Variants in AUTS2 observed in about 807,000 individuals in gnomAD.
AUTS2 encodes the protein activator of transcription and developmental regulator AUTS2, also known as autism susceptibility gene 2 protein.
A neutral mutation model predicts 112.4 loss-of-function variants in AUTS2; 17 were observed. The ratio of observed to expected loss-of-function variants is 0.15; its 90% CI spans 0.10 to 0.23. The LOEUF is 0.23. Among genes scored for constraint, AUTS2 ranks in the 10% least tolerant of loss-of-function variants. AUTS2 has a pLI of 1.00. For missense variants in AUTS2, 1,510 were observed against 1,701.6 expected (o/e 0.89, Z 1.98); for synonymous variants, 751 against 702.7 (o/e 1.07, Z -1.09).
chr7:70,500,013 C>T (rs993446583), intron 5 of AUTS2, among the ~76,000 whole-genome samples: 5 of 152,108 alleles, frequency 3.3e-5, no homozygotes, highest in African/African-American at 7.2e-5. Flanking sequence ...TAGCTCAAGA[C>T]ACGATGTCCT....
intron 1 of AUTS2, among the ~76,000 whole-genome samples, chr7:69,804,451 C>T (rs1790214460): frequency 6.6e-6 from 1 of 152,198 alleles, no homozygotes; most frequent in South Asian, 2.1e-4. Flanking sequence ...GTTCCTGACT[C>T]AACTCTGAAA....
intron 2 of AUTS2, among the ~76,000 whole-genome samples, chr7:69,965,750 C>T (rs1797611566): frequency 6.6e-6 from 1 of 152,128 alleles, no homozygotes; most frequent in Non-Finnish European, 1.5e-5. Flanking sequence ...ATTCCATAGA[C>T]TCTCTTTTCT....
rs35638538 is a variant in AUTS2, at chr7:70,001,710, A to ATTT, written c.522+102229_522+102231dup. On this transcript the variant is annotated intron_variant, in intron 2 of 18. Coordinates refer to ENST00000342771, the MANE Select transcript of AUTS2 (RefSeq NM_015570.4). The stretch of plus-strand genomic sequence containing the variant: ...AATTGAATTATAGCCTCATTGTCAT[A>ATTT]TTTTTTTTTTTTTTTTTTTGAGACT... 2.7e-3 allele frequency among the ~76,000 whole-genome samples: 364 copies of ATTT among 132,804 alleles called. 4 individuals are homozygous for ATTT. The highest frequency in any genetic ancestry group is 9.6e-3 in the African/African-American group (338 of 35,266). 87.1% of individuals were successfully genotyped at this position (132,804 alleles called of 152,430 possible). A position where few individuals can be genotyped will look rare whatever the true frequency, so the allele number is the denominator to read the frequency against.
intron 2 of AUTS2, among the ~76,000 whole-genome samples, chr7:69,917,560 T>TA (rs1318954745): frequency 6.7e-6 from 1 of 149,834 alleles, no homozygotes; most frequent in Non-Finnish European, 1.5e-5. Context: ...TGTATAGTGG[T>TA]AAAATCTGAG....
chr7:69,873,800 C>T (rs1033268494), intron 1 of AUTS2, among the ~76,000 whole-genome samples: 1 of 152,142 alleles, frequency 6.6e-6, no homozygotes, highest in Non-Finnish European at 1.5e-5. Flanking sequence ...TGGAATTACA[C>T]CTACTTTATG....
At chr7:69,705,472 G>A (rs1475831440) in intron 1 of AUTS2, among the ~76,000 whole-genome samples, 1 of 152,186 alleles carries the variant, frequency 6.6e-6, no homozygotes, top group South Asian at 2.1e-4. Flanking sequence ...GGTTGGGTCC[G>A]TTTGTGATTT....
At chr7:70,038,921 G>T (rs1040750820) in intron 2 of AUTS2, among the ~76,000 whole-genome samples, 8 of 151,994 alleles carry the variant, frequency 5.3e-5, no homozygotes, top group African/African-American at 9.7e-5. Flanking sequence ...ATCATGCCCG[G>T]CTAGTTTTTG....
At chr7:70,000,473 C>T (rs566313747) in intron 2 of AUTS2, among the ~76,000 whole-genome samples, 2 of 152,296 alleles carry the variant, frequency 1.3e-5, no homozygotes, top group Admixed American at 1.3e-4. Flanking sequence ...GAAAGAACAG[C>T]AGTGGGACAT....
intron 1 of AUTS2, among the ~76,000 whole-genome samples, chr7:69,633,333 C>A (rs188379553): frequency 2.6e-5 from 4 of 152,024 alleles, no homozygotes; most frequent in African/African-American, 9.7e-5. Flanking sequence ...ACACACCCCC[C>A]ACAGTTTATC....
chr7:69,712,181 A>G (rs1251309882), intron 1 of AUTS2, among the ~76,000 whole-genome samples: 2 of 152,190 alleles, frequency 1.3e-5, no homozygotes, highest in Non-Finnish European at 2.9e-5. Flanking sequence ...ATGAGCAGAC[A>G]TGGTGCCTTT....
chr7:70,509,312 A>G (rs1198673215), intron 5 of AUTS2, among the ~76,000 whole-genome samples: 1 of 152,182 alleles, frequency 6.6e-6, no homozygotes, highest in Non-Finnish European at 1.5e-5. Flanking sequence ...TCCATTTAGA[A>G]TCACAGCCAT....
chr7:70,596,101 G>T, intron 5 of AUTS2: 1 of 152,674 alleles, frequency 6.5e-6, no homozygotes, highest in South Asian at 1.9e-4. Context: ...GCTAGCCGGC[G>T]AGTTGCAGTC....
intron 4 of AUTS2, among the ~76,000 whole-genome samples, chr7:70,246,575 A>G (rs924771015): frequency 3.3e-5 from 5 of 152,210 alleles, no homozygotes; most frequent in African/African-American, 1.2e-4. Flanking sequence ...ACAACACAAC[A>G]CTGTTGAAAT....
intron 4 of AUTS2, among the ~76,000 whole-genome samples, chr7:70,223,095 G>A (rs2129593044): frequency 6.6e-6 from 1 of 152,068 alleles, no homozygotes; most frequent in East Asian, 1.9e-4. Context: ...CACCATGTTG[G>A]CCAGGCTGGT....
At chr7:70,073,023 T>G in intron 2 of AUTS2, among the ~76,000 whole-genome samples, 1 of 96,204 alleles carries the variant, frequency 1.0e-5, no homozygotes, top group Non-Finnish European at 2.1e-5. Flanking sequence ...CCCTCTCCCC[T>G]CCCCTCCCCT....
intron 2 of AUTS2, among the ~76,000 whole-genome samples, chr7:69,923,532 G>A (rs997442396): frequency 6.6e-5 from 10 of 152,150 alleles, no homozygotes; most frequent in African/African-American, 2.4e-4. Flanking sequence ...TATATTGATC[G>A]TGTGATCAAT....
chr7:70,696,319 C>T (rs1191033346), intron 5 of AUTS2, among the ~76,000 whole-genome samples: 1 of 152,124 alleles, frequency 6.6e-6, no homozygotes, highest in East Asian at 1.9e-4. Flanking sequence ...AATGTTTTCA[C>T]GGTCAGCCAG....
intron 1 of AUTS2, among the ~76,000 whole-genome samples, chr7:69,809,950 A>G (rs911741159): frequency 2.0e-5 from 3 of 152,194 alleles, no homozygotes; most frequent in African/African-American, 4.8e-5. Flanking sequence ...CATCAAAACC[A>G]GAGTGACTTT....
intron 4 of AUTS2, among the ~76,000 whole-genome samples, chr7:70,226,360 A>AT (rs34184657): frequency 0.33 from 45,480 of 136,212 alleles, 9,293 homozygotes; most frequent in Non-Finnish European, 0.46. Flanking sequence ...TGCCCGGCTA[A>AT]TTTTTTTTTT....
Sources: gnomAD v4.1 joint callset for allele counts (sites outside exome capture counted in the v4.1 genomes callset) on GRCh38, gnomAD v4.1.1 for gene constraint, MANE v1.5 for transcripts, NCBI Gene and HGNC (gene_info 2026-07-23, HGNC 2026-07-21) for gene names.